PCDH15: variants seen among roughly 807,000 people sequenced by gnomAD.
PCDH15 encodes the protein protocadherin related 15.
In PCDH15, 129 loss-of-function variants were observed where a neutral mutation model predicts 178.5. The ratio of observed to expected loss-of-function variants is 0.72; its 90% CI spans 0.63 to 0.84. The LOEUF is 0.84. Ranked by LOEUF, PCDH15 falls within the 40% of genes least tolerant of loss-of-function variation. PCDH15 has a pLI of 0.00. For synonymous variants in PCDH15, 800 were observed against 732.0 expected (o/e 1.09, Z -1.50); for missense variants, 2,230 against 2,099.9 (o/e 1.06, Z -1.21).
chr10:54,249,320 AATGAT>A (rs2056274442), intron 8 of PCDH15, among the ~76,000 whole-genome samples: 1 of 152,110 alleles, frequency 6.6e-6, no homozygotes, highest in African/African-American at 2.4e-5. Context: ...TAATTTATAA[AATGAT>A]ATATTTCCTC....
At chr10:54,803,509 G>C (rs893023057), upstream of PCDH15, among the ~76,000 whole-genome samples, 2 of 152,104 alleles carry the variant, frequency 1.3e-5, no homozygotes, top group African/African-American at 2.4e-5. Flanking sequence ...TGGCTTAGGG[G>C]TGGGTCTGAG....
intron 2 of PCDH15, among the ~76,000 whole-genome samples, chr10:54,558,061 T>C (rs570285812): frequency 1.3e-5 from 2 of 152,176 alleles, no homozygotes; most frequent in African/African-American, 4.8e-5. Flanking sequence ...AAAAACCTAA[T>C]GTATATGATA....
chr10:54,178,241 G>A (rs1384509098), intron 13 of PCDH15, among the ~76,000 whole-genome samples: 1 of 152,114 alleles, frequency 6.6e-6, no homozygotes, highest in South Asian at 2.1e-4. Context: ...TATGATTTTA[G>A]TGGTGTGATG....
intron 3 of PCDH15, among the ~76,000 whole-genome samples, chr10:54,453,148 T>C (rs1427002926): frequency 6.6e-6 from 1 of 152,058 alleles, no homozygotes; most frequent in Non-Finnish European, 1.5e-5. Flanking sequence ...AGCCATCCCA[T>C]TACTGGGTAT....
chr10:54,828,335 T>C (rs1193544382), intron 3 of PCDH15, among the ~76,000 whole-genome samples: 1 of 151,940 alleles, frequency 6.6e-6, no homozygotes, highest in Non-Finnish European at 1.5e-5. Context: ...GGATCCAAAA[T>C]GAAAATTGAG....
At chr10:54,619,009 T>C (rs1239911045) in intron 2 of PCDH15, 2 of 152,092 alleles carry the variant, frequency 1.3e-5, no homozygotes, top group Non-Finnish European at 2.9e-5. Context: ...TTTCAGTTCA[T>C]GATGTTACTC....
At chr10:55,121,437 G>A (rs993642582) in intron 2 of PCDH15, among the ~76,000 whole-genome samples, 48 of 152,018 alleles carry the variant, frequency 3.2e-4, no homozygotes, top group African/African-American at 9.6e-4. Context: ...TGTAGATTTA[G>A]ACTTTGAAGT....
chr10:55,431,179 C>T (rs1838873060), intron 2 of PCDH15, among the ~76,000 whole-genome samples: 1 of 152,066 alleles, frequency 6.6e-6, no homozygotes, highest in African/African-American at 2.4e-5. Flanking sequence ...AAAGTATATA[C>T]ACAACAGCTT....
chr10:54,443,785 T>C (rs2075980960), intron 3 of PCDH15, among the ~76,000 whole-genome samples: 1 of 151,712 alleles, frequency 6.6e-6, no homozygotes, highest in Non-Finnish European at 1.5e-5. Context: ...CTAGTGTTTA[T>C]TGAGAGTCCT....
intron 2 of PCDH15, among the ~76,000 whole-genome samples, chr10:54,623,329 A>C (rs537651791): frequency 1.3e-3 from 203 of 152,268 alleles, no homozygotes; most frequent in African/African-American, 4.7e-3. Flanking sequence ...TAACACAACC[A>C]AAAACAAAAG....
At chr10:55,260,434 T>C (rs1190554245) in intron 1 of PCDH15, among the ~76,000 whole-genome samples, 4 of 152,270 alleles carry the variant, frequency 2.6e-5, no homozygotes, top group East Asian at 3.9e-4. Context: ...AATTTGTACA[T>C]TATTTTCGAG....
chr10:54,011,376 G>A (rs1279018587), intron 20 of PCDH15, among the ~76,000 whole-genome samples: 1 of 152,134 alleles, frequency 6.6e-6, no homozygotes. Context: ...TTTTTCTGGG[G>A]TGGAGCACCA....
chr10:53,993,620 G>A (rs1488765988), intron 21 of PCDH15, among the ~76,000 whole-genome samples: 1 of 151,870 alleles, frequency 6.6e-6, no homozygotes, highest in African/African-American at 2.4e-5. Context: ...TGTCTTTATG[G>A]TACCAACATA....
At chr10:55,401,618 G>GTGTGTGTGTC (rs1838072702) in intron 2 of PCDH15, among the ~76,000 whole-genome samples, 1 of 151,294 alleles carries the variant, frequency 6.6e-6, no homozygotes, top group African/African-American at 2.4e-5. Context: ...GTGTGTGTGT[G>GTGTGTGTGTC]TGTGTGTGTG....
chr10:53,866,935 G>A, intron 26 of PCDH15, 78 bp from the exon 27 acceptor site: 4 of 1,004,614 alleles, frequency 4.0e-6, no homozygotes, highest in South Asian at 2.6e-5. Context: ...ACTTTTGTTT[G>A]TAAGAATGAG....
At chr10:53,928,105 C>G (rs1000937651) in intron 25 of PCDH15, among the ~76,000 whole-genome samples, 2 of 151,922 alleles carry the variant, frequency 1.3e-5, no homozygotes, top group African/African-American at 2.4e-5. Flanking sequence ...TAGGATATGC[C>G]CAGTAGAACT....
intron 27 of PCDH15, 140 bp from the exon 28 acceptor site, chr10:53,857,403 C>T (rs2133041723): frequency 3.7e-6 from 2 of 547,200 alleles, no homozygotes; most frequent in South Asian, 2.8e-5. Flanking sequence ...AATATATATA[C>T]ATTTTTAATT....
chr10:55,188,261 T>G (rs1214812313), intron 1 of PCDH15, among the ~76,000 whole-genome samples: 1 of 151,942 alleles, frequency 6.6e-6, no homozygotes. Context: ...CTTTTACCAA[T>G]TCTATATAAT....
At chr10:54,116,860 T>A (rs2095122350) in intron 15 of PCDH15, among the ~76,000 whole-genome samples, 1 of 152,210 alleles carries the variant, frequency 6.6e-6, no homozygotes, top group Admixed American at 6.5e-5. Flanking sequence ...TCTTTTGTAT[T>A]TCATTTTTCT....
Sources: allele counts gnomAD v4.1 joint callset (sites outside exome capture counted in the v4.1 genomes callset), GRCh38; gene constraint gnomAD v4.1.1; transcripts MANE v1.5; gene names NCBI Gene and HGNC (gene_info 2026-07-23, HGNC 2026-07-21).